TRIO: variants seen among roughly 807,000 people sequenced by gnomAD.
TRIO encodes the protein trio Rho guanine nucleotide exchange factor.
In TRIO, 58 loss-of-function variants were observed where a neutral mutation model predicts 351.9. The ratio of observed to expected loss-of-function variants is 0.16; its 90% confidence interval spans 0.13 to 0.21. The LOEUF is 0.21. Ranked by LOEUF, TRIO falls within the 10% of genes least tolerant of loss-of-function variation. The pLI, the probability that TRIO is intolerant of heterozygous loss-of-function variation, is 1.00. For synonymous variants in TRIO, 1,758 were observed against 1,595.7 expected (o/e 1.10, Z -2.42); for missense variants, 3,201 against 4,027.8 (o/e 0.79, Z 5.56).
chr5:14,415,285 C>T (rs1000661670), intron 33 of TRIO, among the ~76,000 whole-genome samples: 6 of 152,134 alleles, frequency 3.9e-5, no homozygotes, highest in Non-Finnish European at 1.5e-5. Flanking sequence ...TTGTTTGCAG[C>T]GAAGACTGAC....
chr5:14,378,747 A>G (rs892636284), intron 20 of TRIO, among the ~76,000 whole-genome samples: 8 of 152,074 alleles, frequency 5.3e-5, no homozygotes, highest in African/African-American at 1.7e-4. Flanking sequence ...TTCAGTGGAG[A>G]TGAGGTTTCA....
intron 1 of TRIO, among the ~76,000 whole-genome samples, chr5:14,246,772 T>C (rs1794463819): frequency 6.6e-6 from 1 of 152,232 alleles, no homozygotes; most frequent in South Asian, 2.1e-4. Context: ...AGCCATTCCC[T>C]GCCATTCTGT....
chr5:14,164,386 G>A (rs1315463271), intron 1 of TRIO, among the ~76,000 whole-genome samples: 2 of 152,194 alleles, frequency 1.3e-5, no homozygotes, highest in Non-Finnish European at 2.9e-5. Flanking sequence ...GCCCCAGAAT[G>A]GGCTAGCTCC....
At chr5:14,335,697 G>A (rs566191771) in intron 10 of TRIO, among the ~76,000 whole-genome samples, 8 of 152,212 alleles carry the variant, frequency 5.3e-5, no homozygotes, top group Non-Finnish European at 1.2e-4. Flanking sequence ...AGGCAAAGTG[G>A]TTCATGCCTG....
intron 6 of TRIO, among the ~76,000 whole-genome samples, chr5:14,296,304 G>A (rs1046796241): frequency 6.6e-6 from 1 of 152,176 alleles, no homozygotes; most frequent in Admixed American, 6.5e-5. Flanking sequence ...ATTTGCTGAA[G>A]GTCTGAATCC....
chr5:14,317,727 C>G (rs1318156444), intron 9 of TRIO, among the ~76,000 whole-genome samples: 2 of 152,232 alleles, frequency 1.3e-5, no homozygotes, highest in Admixed American at 6.5e-5. Context: ...TGCGGTGGCT[C>G]ACGCCTGTAA....
At position 14,294,355 on chromosome 5, in the gene TRIO, G is replaced by A. The variant is rs145095879; in HGVS notation, c.1176+1221G>A. ...GTAATAAATGCCATCAAAGTTTTACGTCTGTTCTAGAATTTAAAGTAAGAG... is the reference window on the plus strand; with the variant it reads ...GTAATAAATGCCATCAAAGTTTTACATCTGTTCTAGAATTTAAAGTAAGAG... On this transcript the variant is annotated intron_variant, in intron 6 of 56. Coordinates refer to ENST00000344204, the MANE Select transcript of TRIO (RefSeq NM_007118.4). 1.8e-3 allele frequency among the ~76,000 whole-genome samples: 272 copies of A among 152,246 alleles called. 4 individuals are homozygous for A. The highest frequency in any genetic ancestry group is 1.7e-3 in the South Asian group (8 of 4,824).
At chr5:14,283,803 G>A (rs910914465) in intron 3 of TRIO, among the ~76,000 whole-genome samples, 2 of 151,832 alleles carry the variant, frequency 1.3e-5, no homozygotes, top group African/African-American at 4.8e-5. Flanking sequence ...AACAAGGTGA[G>A]TTCATAAGAT....
chr5:14,300,256 A>G (rs1225271173), intron 7 of TRIO, among the ~76,000 whole-genome samples: 2 of 152,218 alleles, frequency 1.3e-5, no homozygotes, highest in African/African-American at 2.4e-5. Flanking sequence ...AAGTGACTTG[A>G]TTTTGCTACA....
chr5:14,350,652 C>T (rs1742998039), intron 11 of TRIO, among the ~76,000 whole-genome samples: 2 of 152,162 alleles, frequency 1.3e-5, no homozygotes, highest in Non-Finnish European at 2.9e-5. Context: ...CATAGCTGCC[C>T]TGAATATGCC....
At position 14,461,162 on chromosome 5, in the gene TRIO, C is replaced by T. The variant is rs1316730953; in HGVS notation, c.5347C>T (p.Arg1783Trp). The change falls in exon 35 of 57, where the codon CGG (arginine) becomes TGG (tryptophan). Residue 1783 changes from arginine (R) to tryptophan (W), a missense_variant. Physicochemically the swap from Arg to Trp is moderately radical, Grantham distance 101. This residue lies in a region of TRIO where 193 missense variants were observed against 218.8 expected (regional missense o/e 0.88). Transcript: ENST00000344204. ...LRKWLTSPVR[R>W]LSSGKADGHV... ...CAAGTGGCTCACCAGCCCCGTGCGG[C>T]GGCTCAGCAGCGGCAAGGCCGACGG... is the stretch of plus-strand genomic sequence containing the variant. The T allele has an allele frequency of 6.4e-7, 1 of 1,556,946 alleles. No homozygotes were observed. Among genetic ancestry groups the T allele is most frequent in the Non-Finnish European group, 8.7e-7 (1 of 1,150,990 alleles).
In TRIO at chr5:14,217,536, A is replaced by T. The variant is rs142286642; in HGVS notation, c.158-53289A>T. Among the ~76,000 whole-genome samples, 1,169 of 152,324 alleles carry T rather than the reference A, an allele frequency of 7.7e-3. 18 individuals are homozygous for T. Among genetic ancestry groups the T allele is most frequent in the African/African-American group, 0.027 (1,110 of 41,572 alleles). On this transcript the variant is annotated intron_variant, in intron 1 of 56. Coordinates refer to ENST00000344204, the MANE Select transcript of TRIO (RefSeq NM_007118.4). ...GGGGCTTTCCCATGCCAGCCACGAC[A>T]GCTGCAGCCTGCTCAGTCACAGGCA...
At chr5:14,327,536 T>A (rs1003313697) in intron 9 of TRIO, among the ~76,000 whole-genome samples, 6 of 152,228 alleles carry the variant, frequency 3.9e-5, no homozygotes, top group African/African-American at 1.4e-4. Flanking sequence ...ATAATGTTTA[T>A]CTTTTATTTT....
At chr5:14,471,568 A>G in intron 38 of TRIO, 102 bp downstream of exon 38, 1 of 1,501,854 alleles carries the variant, frequency 6.7e-7, no homozygotes, top group African/African-American at 1.4e-5. Flanking sequence ...TACCGAGATG[A>G]GAAGCTCCAG....
chr5:14,228,097 T>C (rs1281673850), intron 1 of TRIO, among the ~76,000 whole-genome samples: 1 of 152,150 alleles, frequency 6.6e-6, no homozygotes, highest in Non-Finnish European at 1.5e-5. Context: ...GTTTCTCATG[T>C]CCGATTTCCT....
intron 21 of TRIO, among the ~76,000 whole-genome samples, chr5:14,381,699 G>A (rs1014887758): frequency 4.3e-4 from 66 of 152,254 alleles, no homozygotes; most frequent in African/African-American, 1.4e-3. Context: ...TGTTGCTCAC[G>A]CTCAGTTTAG....
intron 1 of TRIO, among the ~76,000 whole-genome samples, chr5:14,215,107 CA>C (rs967700725): frequency 1.3e-5 from 2 of 151,888 alleles, no homozygotes; most frequent in Admixed American, 1.3e-4. Flanking sequence ...GAATTTAGAC[CA>C]AAAAAAGCAG....
chr5:14,209,099 A>C (rs758008859), intron 1 of TRIO, among the ~76,000 whole-genome samples: 2 of 152,226 alleles, frequency 1.3e-5, no homozygotes, highest in Non-Finnish European at 2.9e-5. Context: ...TAAGAGGTAG[A>C]TTACATTCCT....
intron 1 of TRIO, among the ~76,000 whole-genome samples, chr5:14,260,973 A>T (rs1023693803): frequency 6.6e-6 from 1 of 152,164 alleles, no homozygotes; most frequent in African/African-American, 2.4e-5. Flanking sequence ...AGGCCCCTGG[A>T]TGAGGATTGC....
Sources: allele counts gnomAD v4.1 joint callset (sites outside exome capture counted in the v4.1 genomes callset), GRCh38; gene constraint gnomAD v4.1.1; regional missense constraint gnomAD v4.1.1; transcripts MANE v1.5; gene names NCBI Gene and HGNC (gene_info 2026-07-23, HGNC 2026-07-21).